ADAM12: variants seen among roughly 807,000 people sequenced by gnomAD.
The protein encoded by ADAM12 is disintegrin and metalloproteinase domain-containing protein 12.
Under a neutral mutation model 106.4 loss-of-function variants are expected in ADAM12, and 70 were observed. The ratio of observed to expected loss-of-function variants is 0.66; its 90% confidence interval spans 0.54 to 0.80. The LOEUF is 0.80. Among genes scored for constraint, ADAM12 ranks in the 30% least tolerant of loss-of-function variants. The pLI is 0.00. For missense variants in ADAM12, 1,010 were observed against 1,171.9 expected (o/e 0.86, Z 2.02); for synonymous variants, 420 against 433.5 (o/e 0.97, Z 0.39).
chr10:126,197,560 T>C lies in ADAM12; in HGVS notation c.261-42255A>G, dbSNP rs895883241. Among the ~76,000 whole-genome samples the C allele has an allele frequency of 4.6e-5, 7 of 152,206 alleles. No homozygotes were observed. The South Asian group carries it at 8.3e-4, about 18-fold the overall frequency. The stretch of plus-strand genomic sequence containing the variant: ...AGTCCGAAGAGGAGCAGCACAAAGA[T>C]GGAATGGAAGTCAGGGAATTTCTCA... On this transcript the variant is annotated intron_variant, in intron 3 of 22. Coordinates refer to ENST00000448723, the MANE Select transcript of ADAM12 (RefSeq NM_001288973.2).
At chr10:126,201,284 G>A (rs1383581907) in intron 3 of ADAM12, among the ~76,000 whole-genome samples, 1 of 152,156 alleles carries the variant, frequency 6.6e-6, no homozygotes, top group African/African-American at 2.4e-5. Context: ...TACTGGAGTA[G>A]TGTGGGCCTT....
intron 3 of ADAM12, among the ~76,000 whole-genome samples, chr10:126,269,506 AG>A (rs2133731547): frequency 6.6e-6 from 1 of 152,326 alleles, no homozygotes; most frequent in South Asian, 2.1e-4. Context: ...CAGAAGAGAC[AG>A]GCCATAACGA....
At chr10:126,095,713 G>A (rs1053590022) in intron 10 of ADAM12, among the ~76,000 whole-genome samples, 2 of 151,910 alleles carry the variant, frequency 1.3e-5, no homozygotes, top group Non-Finnish European at 2.9e-5. Flanking sequence ...CTTGCCATGT[G>A]ATCCCCCGCA....
In ADAM12 at chr10:126,012,694, T is replaced by C. The variant is rs1953590253; in HGVS notation, c.*4585A>G. On this transcript the variant is annotated 3_prime_UTR_variant, in exon 23 of 23. Coordinates refer to ENST00000448723, the MANE Select transcript of ADAM12 (RefSeq NM_001288973.2). ...ACACATTCAAAGAACAGGCATTCAC[T>C]GCAGCCTCCTGATTTGACCTGATGG... The C allele has an allele frequency of 6.6e-6, 1 of 152,250 alleles. No homozygotes were observed. Among genetic ancestry groups the C allele is most frequent in the Non-Finnish European group, 1.5e-5 (1 of 68,050 alleles). The allele number at this position is 152,250 out of a possible 1,614,324, so 9.4% of individuals were successfully genotyped here. A position where few individuals can be genotyped will look rare whatever the true frequency, so the allele number is the denominator to read the frequency against.
intron 2 of ADAM12, among the ~76,000 whole-genome samples, chr10:126,283,564 G>C (rs1368551813): frequency 6.6e-6 from 1 of 152,140 alleles, no homozygotes; most frequent in Non-Finnish European, 1.5e-5. Context: ...GCAAGACAGA[G>C]CACCTTTGCT....
chr10:126,275,761 C>A (rs1426119493), intron 3 of ADAM12, among the ~76,000 whole-genome samples: 2 of 152,116 alleles, frequency 1.3e-5, no homozygotes, highest in East Asian at 3.9e-4. Context: ...AATACGTTAG[C>A]AATCTTCTTT....
intron 2 of ADAM12, among the ~76,000 whole-genome samples, chr10:126,305,613 T>C (rs915299590): frequency 7.2e-5 from 11 of 152,132 alleles, no homozygotes; most frequent in African/African-American, 1.4e-4. Flanking sequence ...TGTCCACTTA[T>C]GTGTATTTTA....
intron 1 of ADAM12, among the ~76,000 whole-genome samples, chr10:126,369,494 T>TG (rs1285048485): frequency 1.3e-5 from 2 of 152,084 alleles, no homozygotes; most frequent in Admixed American, 6.6e-5. Context: ...CGGCTGCCTG[T>TG]GAGGAAGTGA....
chr10:126,113,688 AT>A (rs56780908), intron 6 of ADAM12, among the ~76,000 whole-genome samples: 1,834 of 9,976 alleles, frequency 0.18, 403 homozygotes, highest in Non-Finnish European at 0.21. Context: ...AAAAAAAAAA[AT>A]ATATATATAT....
At chr10:126,340,195 G>A (rs1021927327) in intron 1 of ADAM12, among the ~76,000 whole-genome samples, 8 of 152,162 alleles carry the variant, frequency 5.3e-5, no homozygotes, top group Admixed American at 1.3e-4. Context: ...ACCCATAATG[G>A]ACACATTCTC....
chr10:126,071,926 A>G (rs1258385046), intron 11 of ADAM12, among the ~76,000 whole-genome samples: 4 of 152,248 alleles, frequency 2.6e-5, no homozygotes, highest in Non-Finnish European at 4.4e-5. Flanking sequence ...TTTCAAATCA[A>G]TAAGTTCAGG....
intron 2 of ADAM12, among the ~76,000 whole-genome samples, chr10:126,322,494 G>T (rs924477461): frequency 5.3e-5 from 8 of 152,184 alleles, no homozygotes; most frequent in Non-Finnish European, 8.8e-5. Flanking sequence ...CATCAGTCAG[G>T]TGTATCAGGG....
intron 21 of ADAM12, among the ~76,000 whole-genome samples, chr10:126,033,077 A>C (rs1953997268): frequency 6.6e-6 from 1 of 152,222 alleles, no homozygotes; most frequent in African/African-American, 2.4e-5. Flanking sequence ...TAGGCAAAGG[A>C]TAGGAAAAGA....
chr10:126,347,238 A>G (rs926035016), intron 1 of ADAM12, among the ~76,000 whole-genome samples: 1 of 152,110 alleles, frequency 6.6e-6, no homozygotes, highest in Non-Finnish European at 1.5e-5. Flanking sequence ...ATCCCTCAGC[A>G]TTTGCGTGTC....
At chr10:126,268,867 G>A (rs1959152780) in intron 3 of ADAM12, among the ~76,000 whole-genome samples, 3 of 152,126 alleles carry the variant, frequency 2.0e-5, no homozygotes, top group South Asian at 2.1e-4. Context: ...AAAGGTTCCC[G>A]ATCCAGACCC....
At chr10:126,079,569 C>T (rs1457781291) in intron 11 of ADAM12, among the ~76,000 whole-genome samples, 1 of 152,172 alleles carries the variant, frequency 6.6e-6, no homozygotes, top group Non-Finnish European at 1.5e-5. Context: ...AATTTGCTAT[C>T]TGCTCATCTG....
chr10:126,148,255 G>T (rs1343573344), intron 4 of ADAM12, among the ~76,000 whole-genome samples: 2 of 152,190 alleles, frequency 1.3e-5, no homozygotes, highest in African/African-American at 4.8e-5. Context: ...CCAACAAAAA[G>T]TGGTTCTTAT....
intron 16 of ADAM12, among the ~76,000 whole-genome samples, chr10:126,048,406 A>G (rs1954383591): frequency 6.6e-6 from 1 of 152,214 alleles, no homozygotes; most frequent in Admixed American, 6.5e-5. Flanking sequence ...AAGAAGATTC[A>G]TGTACGATCC....
intron 2 of ADAM12, among the ~76,000 whole-genome samples, chr10:126,321,943 A>T (rs1854117501): frequency 6.7e-6 from 1 of 150,362 alleles, no homozygotes; most frequent in Non-Finnish European, 1.5e-5. Context: ...GCACAACAGC[A>T]TCCACCTTGC....
Sources: allele counts gnomAD v4.1 joint callset (sites outside exome capture counted in the v4.1 genomes callset), GRCh38; gene constraint gnomAD v4.1.1; transcripts MANE v1.5; gene names NCBI Gene and HGNC (gene_info 2026-07-23, HGNC 2026-07-21).